The following PM20D2 variants were observed in gnomAD, a reference collection of about 807,000 sequenced individuals.
PM20D2 encodes peptidase M20 domain containing 2.
In PM20D2, 33 loss-of-function variants were observed where a neutral mutation model predicts 42.9. The observed-to-expected ratio is 0.77, with a 90% CI of 0.58 to 1.03. PM20D2 has a LOEUF of 1.03. PM20D2 is among the 50% of genes least tolerant of loss of function. PM20D2 has a pLI of 0.00. For synonymous variants in PM20D2, 250 were observed against 228.2 expected (o/e 1.10, Z -0.86); for missense variants, 548 against 557.0 (o/e 0.98, Z 0.16).
At chr6:89,104,102 G>A in the PM20D2 span, among the ~76,000 whole-genome samples, 1,047 of 147,534 alleles carry the variant, frequency 7.1e-3, 7 homozygotes, top group African/African-American at 0.025. Flanking sequence ...CTCCCAAAGT[G>A]CTGAGATTAT....
chr6:89,142,644 C>T (rs536097027), upstream of PM20D2, among the ~76,000 whole-genome samples: 26 of 151,974 alleles, frequency 1.7e-4, no homozygotes, highest in East Asian at 3.5e-3. Context: ...TATTCCTTTC[C>T]CCCACAATTA....
Position 89,148,260 on chromosome 6 carries a change from T to A in PM20D2, c.466-1005T>A, listed in dbSNP as rs369983885. Among the ~76,000 whole-genome samples the A allele has an allele frequency of 9.9e-5, 15 of 152,264 alleles. 2 individuals are homozygous for A. The highest frequency in any genetic ancestry group is 3.9e-4 in the Admixed American group (6 of 15,290). ...TCCCACAGTGCTAGGATTACAGGCA[T>A]GAGTCACCGCTCCCGGCCCACTCTT... On this transcript the variant is annotated intron_variant, in intron 1 of 6. Coordinates refer to ENST00000275072, the MANE Select transcript of PM20D2 (RefSeq NM_001010853.3).
chr6:89,152,522 G>T (rs1770888403), intron 2 of PM20D2, among the ~76,000 whole-genome samples: 1 of 151,964 alleles, frequency 6.6e-6, no homozygotes, highest in Non-Finnish European at 1.5e-5. Flanking sequence ...TAAAATATTG[G>T]ATATTGGTCA....
chr6:89,117,956 G>A, the PM20D2 span: 4 of 1,482,010 alleles, frequency 2.7e-6, no homozygotes, highest in Non-Finnish European at 2.7e-6. Flanking sequence ...CGCTACCGCT[G>A]CTACCACCAC....
chr6:89,104,992 T>G, the PM20D2 span: 676,900 of 919,452 alleles, frequency 0.74, 250,047 homozygotes, highest in East Asian at 0.84. Context: ...GGAGGTCAAG[T>G]CTACAGTGGG....
At chr6:89,142,204 A>C (rs1770342635), upstream of PM20D2, among the ~76,000 whole-genome samples, 1 of 151,358 alleles carries the variant, frequency 6.6e-6, no homozygotes, top group South Asian at 2.1e-4. Context: ...CTGCTCACCT[A>C]CTCTCTTAGT....
At chr6:89,132,112 G>A in the PM20D2 span, among the ~76,000 whole-genome samples, 1 of 152,134 alleles carries the variant, frequency 6.6e-6, no homozygotes, top group African/African-American at 2.4e-5. Flanking sequence ...CAATCCTGAA[G>A]GAGGAAATAA....
the PM20D2 span, among the ~76,000 whole-genome samples, chr6:89,116,992 G>GAAGT: frequency 0.064 from 9,768 of 152,018 alleles, 911 homozygotes; most frequent in African/African-American, 0.21. Flanking sequence ...GGAAGTAAAT[G>GAAGT]AAGCCCAGTG....
intron 1 of PM20D2, among the ~76,000 whole-genome samples, chr6:89,148,818 A>T (rs916082087): frequency 6.6e-6 from 1 of 152,190 alleles, no homozygotes; most frequent in African/African-American, 2.4e-5. Flanking sequence ...GAGATCACCC[A>T]CCTACCTCAC....
chr6:89,107,012 G>T, the PM20D2 span: 1 of 881,520 alleles, frequency 1.1e-6, no homozygotes, highest in Non-Finnish European at 1.8e-6. Flanking sequence ...AGCTACTGTG[G>T]ACTGCTTTAG....
the PM20D2 span, among the ~76,000 whole-genome samples, chr6:89,132,949 G>A: frequency 6.6e-6 from 1 of 150,648 alleles, no homozygotes; most frequent in Non-Finnish European, 1.5e-5. Context: ...ATGGCCAGAT[G>A]CGGCGGCTCA....
In PM20D2 at chr6:89,146,361, G is replaced by A; in HGVS notation, c.217G>A (p.Ala73Thr). 6.5e-7 allele frequency: 1 copy of A among 1,546,672 alleles called. No individual in the cohort carries two copies. The highest frequency in any genetic ancestry group is 8.7e-7 in the Non-Finnish European group (1 of 1,154,602). ...THFFEREPPA[A>T]SWAVQPHYQL... ...CTTCTTCGAGCGGGAGCCGCCCGCGGCCTCCTGGGCAGTGCAGCCGCACTA... is the reference window on the plus strand; with the variant it reads ...CTTCTTCGAGCGGGAGCCGCCCGCGACCTCCTGGGCAGTGCAGCCGCACTA... Residue 73 changes from alanine (A) to threonine (T), a missense_variant, in exon 1 of 7, where the codon GCC becomes ACC. This residue lies in a region of PM20D2 where 470 missense variants were observed against 464.4 expected (regional missense o/e 1.01). Coordinates refer to ENST00000275072, the MANE Select transcript of PM20D2 (RefSeq NM_001010853.3).
the PM20D2 span, among the ~76,000 whole-genome samples, chr6:89,119,471 C>T: frequency 6.6e-6 from 1 of 152,122 alleles, no homozygotes; most frequent in African/African-American, 2.4e-5. Context: ...AAAACAGGAG[C>T]ATGAGGCTGG....
At chr6:89,129,588 ATTTTTT>A in the PM20D2 span, among the ~76,000 whole-genome samples, 1 of 106,702 alleles carries the variant, frequency 9.4e-6, no homozygotes, top group African/African-American at 3.5e-5. Context: ...TCTGTTTCTA[ATTTTTT>A]TTTTTTTTTT....
At chr6:89,107,170 C>T in the PM20D2 span, 1 of 1,613,884 alleles carries the variant, frequency 6.2e-7, no homozygotes, top group Non-Finnish European at 8.5e-7. Flanking sequence ...TAAGCAAATC[C>T]TCTTGGGCGG....
At chr6:89,107,173 T>C in the PM20D2 span, 1 of 1,614,110 alleles carries the variant, frequency 6.2e-7, no homozygotes. Flanking sequence ...GCAAATCCTC[T>C]TGGGCGGCGA....
the PM20D2 span, among the ~76,000 whole-genome samples, chr6:89,100,236 A>G: frequency 3.9e-5 from 6 of 152,226 alleles, no homozygotes; most frequent in Admixed American, 2.6e-4. Flanking sequence ...CTGCGCTGAA[A>G]TTTTTATCAG....
the PM20D2 span, among the ~76,000 whole-genome samples, chr6:89,129,673 A>G: frequency 2.1e-5 from 3 of 145,806 alleles, no homozygotes; most frequent in South Asian, 4.2e-4. Context: ...AGCTCACTGC[A>G]GCCTCACCAT....
Position 89,163,835 on chromosome 6 carries a change from T to G in PM20D2, c.*1572T>G, listed in dbSNP as rs557763918. 1 of 152,356 alleles carries G rather than the reference T, an allele frequency of 6.6e-6. No homozygotes were observed. Among genetic ancestry groups the G allele is most frequent in the African/African-American group, 2.4e-5 (1 of 41,572 alleles). The allele number at this position is 152,356 out of a possible 1,614,324, so 9.4% of individuals were successfully genotyped here. On this transcript the variant is annotated 3_prime_UTR_variant, in exon 7 of 7. Transcript: ENST00000275072. Reference sequence around the variant, plus strand: ...GTTCACACCCTGTACTGAAACCTTTTTCTCAAATACCAACTCTTGGCTATG... The same window carrying G: ...GTTCACACCCTGTACTGAAACCTTTGTCTCAAATACCAACTCTTGGCTATG...
Sources: gnomAD v4.1 joint callset for allele counts (sites outside exome capture counted in the v4.1 genomes callset) on GRCh38, gnomAD v4.1.1 for gene constraint, gnomAD v4.1.1 regional missense constraint, MANE v1.5 for transcripts, NCBI Gene and HGNC (gene_info 2026-07-23, HGNC 2026-07-21) for gene names.